The following GLT1D1 variants were observed in gnomAD, a reference collection of about 807,000 sequenced individuals.
GLT1D1 encodes glycosyltransferase 1 domain-containing protein 1.
Under a neutral mutation model 28.7 loss-of-function variants are expected in GLT1D1, and 21 were observed. The ratio of observed to expected loss-of-function variants is 0.73; its 90% confidence interval spans 0.52 to 1.05. The LOEUF (loss-of-function observed/expected upper bound fraction) is 1.05. Ranked by LOEUF, GLT1D1 falls within the 50% of genes least tolerant of loss-of-function variation. The pLI is 0.00. For missense variants in GLT1D1, 343 were observed against 330.6 expected, an observed-to-expected ratio of 1.04 and a Z score of -0.29; for synonymous variants, 147 against 124.8, an observed-to-expected ratio of 1.18 and a Z score of -1.19.
Position 128,853,645 on chromosome 12 carries a change from G to T in GLT1D1, c.64G>T (p.Val22Phe). 1 of 1,162,736 alleles carries T rather than the reference G, an allele frequency of 8.6e-7. No homozygotes were observed. Among genetic ancestry groups the T allele is most frequent in the Non-Finnish European group, 1.1e-6 (1 of 935,272 alleles). The allele number at this position is 1,162,736 out of a possible 1,614,324, so 72.0% of individuals were successfully genotyped here. A position where few individuals can be genotyped will look rare whatever the true frequency, so the allele number is the denominator to read the frequency against. Residue 22 changes from valine to phenylalanine, a missense_variant, in exon 1 of 8, where the codon GTT becomes TTT. Transcript: ENST00000281703. The stretch of plus-strand genomic sequence containing the variant: ...CGGCAACGCGGTCACGGCCCAGCGC[G>T]TTCGGTAGGTGCAGGGCGCCGGGGC...
intron 4 of GLT1D1, among the ~76,000 whole-genome samples, chr12:128,933,556 G>C (rs1393370923): frequency 2.0e-5 from 3 of 152,204 alleles, no homozygotes; most frequent in African/African-American, 7.2e-5. Context: ...TTGAAAAGCT[G>C]TGACTTGGGT....
intron 1 of GLT1D1, among the ~76,000 whole-genome samples, chr12:128,875,621 A>G (rs1042945142): frequency 6.6e-6 from 1 of 152,090 alleles, no homozygotes; most frequent in Non-Finnish European, 1.5e-5. Flanking sequence ...ACATGGTGAA[A>G]CCCCGTTTCT....
intron 7 of GLT1D1, among the ~76,000 whole-genome samples, chr12:128,966,096 T>A (rs1030802222): frequency 6.6e-6 from 1 of 152,346 alleles, no homozygotes; most frequent in Middle Eastern, 3.4e-3. Flanking sequence ...AGGGTCTTAC[T>A]GGAGAAAACC....
rs577307683 is a variant in GLT1D1 at position 128,939,021 on chromosome 12, C to T, written c.376-6305C>T. On this transcript the variant is annotated intron_variant, in intron 4 of 7. Transcript: ENST00000281703. ...CAGCACCCTAGGAAGGTCCTCTCAG[C>T]ACCTCAGTAAGCAAACTTACCTGAG... Among the ~76,000 whole-genome samples the T allele has an allele frequency of 2.1e-4, 32 of 152,212 alleles. 1 individual carries two copies. In the South Asian group the frequency reaches 6.4e-3, roughly 31 times the overall value.
chr12:128,955,369 T>TC (rs1296757258), intron 6 of GLT1D1, among the ~76,000 whole-genome samples: 3 of 152,196 alleles, frequency 2.0e-5, no homozygotes, highest in African/African-American at 4.8e-5. Flanking sequence ...TTGAGGTTGA[T>TC]CAAGGCACTG....
At chr12:128,905,123 C>A (rs1002137196) in intron 4 of GLT1D1, among the ~76,000 whole-genome samples, 1 of 152,188 alleles carries the variant, frequency 6.6e-6, no homozygotes, top group Non-Finnish European at 1.5e-5. Context: ...ACGCCGTTTC[C>A]CAGAAGCTAA....
intron 4 of GLT1D1, among the ~76,000 whole-genome samples, chr12:128,904,543 G>A (rs1214408782): frequency 6.6e-6 from 1 of 151,398 alleles, no homozygotes; most frequent in Non-Finnish European, 1.5e-5. Flanking sequence ...ATGTAGGACT[G>A]TCCTCAGAGG....
intron 4 of GLT1D1, among the ~76,000 whole-genome samples, chr12:128,916,928 C>T (rs2135895409): frequency 6.6e-6 from 1 of 152,254 alleles, no homozygotes; most frequent in African/African-American, 2.4e-5. Context: ...CCTAGGGTCA[C>T]AAAGATGTTT....
Position 128,929,360 on chromosome 12 carries a change from GT to G in GLT1D1, c.376-15963del, listed in dbSNP as rs1032963433. 3.9e-5 allele frequency among the ~76,000 whole-genome samples: 6 copies of G among 152,238 alleles called. 1 individual carries two copies. Among genetic ancestry groups the G allele is most frequent in the African/African-American group, 1.4e-4 (6 of 41,452 alleles). ...AAAGAGCTTGCACTGACTCCAAGCA[GT>G]TTGGAAAACAAAACGCACTTAGCGT... On this transcript the variant is annotated intron_variant, in intron 4 of 7. Coordinates refer to ENST00000281703, the MANE Select transcript of GLT1D1 (RefSeq NM_144669.3).
chr12:128,976,770 G>GT (rs888402919), intron 7 of GLT1D1, among the ~76,000 whole-genome samples: 2 of 152,170 alleles, frequency 1.3e-5, no homozygotes, highest in Non-Finnish European at 2.9e-5. Context: ...TCGTGGAGGA[G>GT]TTTTTTTCCC....
In GLT1D1 at chr12:128,929,493, G is replaced by A. The variant is rs187853678; in HGVS notation, c.376-15833G>A. On this transcript the variant is annotated intron_variant, in intron 4 of 7. Coordinates refer to ENST00000281703, the MANE Select transcript of GLT1D1 (RefSeq NM_144669.3). ...GTGTCCCTGAAAATCTGAGTGAAGC[G>A]AACTCTACACAACTGCCAGGCACCT... Among the ~76,000 whole-genome samples, 464 of 152,272 alleles carry A rather than the reference G, an allele frequency of 3.0e-3. 1 individual carries two copies. Among genetic ancestry groups the A allele is most frequent in the African/African-American group, 0.011 (448 of 41,548 alleles).
At chr12:128,897,932 G>T (rs1869839023) in intron 3 of GLT1D1, among the ~76,000 whole-genome samples, 1 of 152,186 alleles carries the variant, frequency 6.6e-6, no homozygotes, top group South Asian at 2.1e-4. Flanking sequence ...CTCCCAAAGT[G>T]CTGGGATTAC....
intron 3 of GLT1D1, among the ~76,000 whole-genome samples, chr12:128,898,065 T>C (rs976011951): frequency 1.3e-5 from 2 of 152,196 alleles, no homozygotes; most frequent in African/African-American, 4.8e-5. Context: ...ACTGTTTTAA[T>C]TGTTATATTT....
chr12:128,865,426 C>T (rs1435334520), intron 1 of GLT1D1, among the ~76,000 whole-genome samples: 2 of 152,122 alleles, frequency 1.3e-5, no homozygotes, highest in Non-Finnish European at 2.9e-5. Flanking sequence ...CGGTAATGAA[C>T]ATGTCTATCA....
At chr12:128,928,583 G>A (rs627431) in intron 4 of GLT1D1, among the ~76,000 whole-genome samples, 53,637 of 151,300 alleles carry the variant, frequency 0.35, 10,157 homozygotes, top group East Asian at 0.67. Context: ...AGGGTGGACC[G>A]CTGCCAGTGA....
chr12:128,938,053 C>T (rs528556322), intron 4 of GLT1D1, among the ~76,000 whole-genome samples: 1 of 152,282 alleles, frequency 6.6e-6, no homozygotes, highest in Admixed American at 6.5e-5. Context: ...ATACTTTGGA[C>T]AGAAACTAGA....
chr12:128,954,690 C>G (rs1877092416), intron 6 of GLT1D1, among the ~76,000 whole-genome samples: 1 of 152,198 alleles, frequency 6.6e-6, no homozygotes. Flanking sequence ...TAGCTCACAC[C>G]TGTAATCCCA....
chr12:128,861,656 C>T (rs529778470), intron 1 of GLT1D1, among the ~76,000 whole-genome samples: 5 of 152,184 alleles, frequency 3.3e-5, no homozygotes, highest in East Asian at 1.9e-4. Context: ...CCATCTGGAA[C>T]GGAGAGTGCA....
chr12:128,900,962 C>T (rs1249103257), intron 4 of GLT1D1, among the ~76,000 whole-genome samples: 1 of 152,214 alleles, frequency 6.6e-6, no homozygotes, highest in African/African-American at 2.4e-5. Flanking sequence ...TATCTGCCTT[C>T]TTAAGGTAGT....
Sources: allele counts gnomAD v4.1 joint callset (sites outside exome capture counted in the v4.1 genomes callset), GRCh38; gene constraint gnomAD v4.1.1; transcripts MANE v1.5; gene names NCBI Gene and HGNC (gene_info 2026-07-23, HGNC 2026-07-21).